Variants in RBFOX1 observed in about 807,000 individuals in gnomAD.
RBFOX1 encodes the protein RNA binding fox-1 homolog 1.
RBFOX1 carries 8 observed loss-of-function variants against 57.7 expected under a neutral mutation model. The ratio of observed to expected loss-of-function variants is 0.14; its 90% CI spans 0.08 to 0.25. The LOEUF is 0.25. RBFOX1 is among the 10% of genes least tolerant of loss of function. The pLI is 1.00. For missense variants in RBFOX1, 611 were observed against 548.5 expected (o/e 1.11, Z -1.14); for synonymous variants, 326 against 222.4 (o/e 1.47, Z -4.15).
intron 4 of RBFOX1, among the ~76,000 whole-genome samples, chr16:7,440,375 G>T (rs573250916): frequency 6.6e-6 from 1 of 152,138 alleles, no homozygotes; most frequent in Admixed American, 6.5e-5. Flanking sequence ...AGGGGGAAAG[G>T]AGGTAGAAAA....
chr16:5,749,738 T>C (rs1325533029), intron 3 of RBFOX1, among the ~76,000 whole-genome samples: 2 of 152,234 alleles, frequency 1.3e-5, no homozygotes, highest in Non-Finnish European at 2.9e-5. Context: ...AGGACTTCTC[T>C]ACACTGGTTA....
chr16:6,551,348 CAGACTA>C (rs2096986027), intron 2 of RBFOX1, among the ~76,000 whole-genome samples: 1 of 152,160 alleles, frequency 6.6e-6, no homozygotes, highest in Non-Finnish European at 1.5e-5. Context: ...AGCGGCATCT[CAGACTA>C]GTTATTCAAC....
intron 4 of RBFOX1, among the ~76,000 whole-genome samples, chr16:7,191,220 T>G (rs4786976): frequency 0.94 from 143,377 of 152,198 alleles, 67,716 homozygotes; most frequent in East Asian, 1. Flanking sequence ...TTTGTCTTAA[T>G]AATGGATTTC....
chr16:7,581,311 C>A (rs2093742354), intron 6 of RBFOX1, among the ~76,000 whole-genome samples: 1 of 152,114 alleles, frequency 6.6e-6, no homozygotes, highest in Non-Finnish European at 1.5e-5. Context: ...TTGAAAAGTG[C>A]AGAGCATTCA....
chr16:7,166,438 A>C (rs56193033), intron 4 of RBFOX1, among the ~76,000 whole-genome samples: 55,592 of 151,868 alleles, frequency 0.37, 11,027 homozygotes, highest in East Asian at 0.55. Flanking sequence ...CCATGAATAA[A>C]TGTGATTCAG....
At chr16:6,508,331 TAACA>T (rs990359732) in intron 2 of RBFOX1, among the ~76,000 whole-genome samples, 1 of 152,118 alleles carries the variant, frequency 6.6e-6, no homozygotes, top group Non-Finnish European at 1.5e-5. Context: ...GTTACCTATG[TAACA>T]AACCTGCACT....
intron 1 of RBFOX1, among the ~76,000 whole-genome samples, chr16:5,281,870 A>G (rs2063279572): frequency 6.6e-6 from 1 of 152,174 alleles, no homozygotes; most frequent in Admixed American, 6.5e-5. Flanking sequence ...TTATCCGTTA[A>G]GCCTGTCTCT....
intron 2 of RBFOX1, among the ~76,000 whole-genome samples, chr16:6,331,265 G>A (rs1020809647): frequency 2.0e-5 from 3 of 152,102 alleles, no homozygotes; most frequent in African/African-American, 7.2e-5. Flanking sequence ...GATCAACATG[G>A]TGAAATCCTA....
At chr16:6,477,369 G>T (rs930947373) in intron 2 of RBFOX1, among the ~76,000 whole-genome samples, 5 of 152,184 alleles carry the variant, frequency 3.3e-5, no homozygotes, top group African/African-American at 1.2e-4. Context: ...TTGGCTGCAG[G>T]AACCTATATT....
intron 1 of RBFOX1, among the ~76,000 whole-genome samples, chr16:6,298,137 C>T (rs998406384): frequency 6.6e-6 from 1 of 152,208 alleles, no homozygotes; most frequent in African/African-American, 2.4e-5. Context: ...CCCAGTTGGG[C>T]TCCTGCAGCT....
chr16:6,193,571 T>C (rs1276053808), intron 1 of RBFOX1, among the ~76,000 whole-genome samples: 2 of 151,034 alleles, frequency 1.3e-5, no homozygotes, highest in Non-Finnish European at 3.0e-5. Context: ...AAGATGCTAA[T>C]AGGGGCTACT....
chr16:6,129,648 C>T (rs1377690600), intron 1 of RBFOX1, among the ~76,000 whole-genome samples: 1 of 142,446 alleles, frequency 7.0e-6, no homozygotes, highest in Non-Finnish European at 1.5e-5. Flanking sequence ...TAATGAAAAA[C>T]ATCCATTTAC....
At chr16:6,915,492 C>T (rs994182120) in intron 3 of RBFOX1, among the ~76,000 whole-genome samples, 2 of 151,928 alleles carry the variant, frequency 1.3e-5, no homozygotes, top group Admixed American at 6.6e-5. Flanking sequence ...CCTACTATAG[C>T]CTAAATCTAA....
At chr16:7,332,201 T>C (rs559246189) in intron 4 of RBFOX1, among the ~76,000 whole-genome samples, 2 of 152,234 alleles carry the variant, frequency 1.3e-5, no homozygotes, top group African/African-American at 2.4e-5. Flanking sequence ...TATGTGACCA[T>C]GAGCAAACCA....
intron 3 of RBFOX1, among the ~76,000 whole-genome samples, chr16:6,921,636 T>G (rs1392790928): frequency 1.6e-5 from 1 of 61,908 alleles, no homozygotes; most frequent in East Asian, 3.3e-4. Flanking sequence ...TATATATATA[T>G]ATATATATAT....
In RBFOX1 at chr16:5,646,579, T is replaced by C. The variant is rs1430673094; in HGVS notation, c.318+47618T>C. Among the ~76,000 whole-genome samples, 6 of 152,136 alleles carry C rather than the reference T, an allele frequency of 3.9e-5. No individual in the cohort carries two copies. The East Asian group carries it at 1.2e-3, about 29-fold the overall frequency. On this transcript the variant is annotated intron_variant, in intron 3 of 19. Coordinates refer to the RBFOX1 transcript ENST00000641259. ...CCTGCTATGTCAGAGGGTCGCAGTGTGCAGCATGTGTCAGGGAGGGCATGG... is the reference window on the plus strand; with the variant it reads ...CCTGCTATGTCAGAGGGTCGCAGTGCGCAGCATGTGTCAGGGAGGGCATGG...
intron 1 of RBFOX1, among the ~76,000 whole-genome samples, chr16:6,153,051 T>G (rs1234767791): frequency 1.4e-5 from 2 of 140,968 alleles, no homozygotes; most frequent in African/African-American, 2.8e-5. Context: ...TTTTTTTTTG[T>G]TAATTTTATG....
At chr16:5,426,874 C>T (rs1189687398) in intron 1 of RBFOX1, among the ~76,000 whole-genome samples, 1 of 152,210 alleles carries the variant, frequency 6.6e-6, no homozygotes, top group Non-Finnish European at 1.5e-5. Flanking sequence ...GCAGGGGCTG[C>T]AACCATCCCT....
chr16:6,742,748 A>C (rs1213081613), intron 3 of RBFOX1, among the ~76,000 whole-genome samples: 4 of 152,190 alleles, frequency 2.6e-5, no homozygotes, highest in Non-Finnish European at 5.9e-5. Context: ...AAGGTTATAG[A>C]CTATACAATG....
Sources: gnomAD v4.1 joint callset for allele counts (sites outside exome capture counted in the v4.1 genomes callset) on GRCh38, gnomAD v4.1.1 for gene constraint, MANE v1.5 for transcripts, NCBI Gene and HGNC (gene_info 2026-07-23, HGNC 2026-07-21) for gene names.